DLG2: variants seen among roughly 807,000 people sequenced by gnomAD.
DLG2 encodes the protein disks large homolog 2.
A neutral mutation model predicts 132.5 loss-of-function variants in DLG2; 45 were observed. The observed-to-expected ratio is 0.34, with a 90% CI of 0.27 to 0.44. The LOEUF (loss-of-function observed/expected upper bound fraction) is 0.44. Ranked by LOEUF, DLG2 falls within the 20% of genes least tolerant of loss-of-function variation. The probability of loss-of-function intolerance (pLI) is 1.00; values close to 1 mark genes in which losing one functional copy is unlikely to be tolerated. For synonymous variants in DLG2, 424 were observed against 419.6 expected (o/e 1.01, Z -0.13); for missense variants, 1,045 against 1,196.9 (o/e 0.87, Z 1.87).
intron 6 of DLG2, among the ~76,000 whole-genome samples, chr11:84,718,692 G>A (rs1390034719): frequency 6.6e-6 from 1 of 152,168 alleles, no homozygotes; most frequent in Non-Finnish European, 1.5e-5. Flanking sequence ...ATTTTAAACA[G>A]TAGCCATTGC....
At chr11:83,912,116 T>C (rs1395089747) in intron 15 of DLG2, among the ~76,000 whole-genome samples, 6 of 151,176 alleles carry the variant, frequency 4.0e-5, no homozygotes, top group African/African-American at 9.7e-5. Context: ...TGCAGCTATA[T>C]AGAAAAAAAG....
intron 18 of DLG2, among the ~76,000 whole-genome samples, chr11:83,654,147 A>G (rs1483912016): frequency 6.6e-6 from 1 of 152,078 alleles, no homozygotes; most frequent in African/African-American, 2.4e-5. Context: ...TTTCCATGCT[A>G]TTGCCACTTC....
intron 6 of DLG2, among the ~76,000 whole-genome samples, chr11:84,720,041 G>A (rs1340829461): frequency 2.0e-5 from 3 of 151,986 alleles, no homozygotes; most frequent in Non-Finnish European, 2.9e-5. Context: ...CCCCATTTCC[G>A]AGCTGCATCT....
At chr11:85,432,140 T>TA (rs2091227096) in intron 3 of DLG2, among the ~76,000 whole-genome samples, 1 of 152,056 alleles carries the variant, frequency 6.6e-6, no homozygotes, top group African/African-American at 2.4e-5. Flanking sequence ...GCATCAATGA[T>TA]AAAAGTCCCC....
intron 7 of DLG2, among the ~76,000 whole-genome samples, chr11:84,264,402 T>C (rs1381287041): frequency 2.0e-5 from 3 of 152,188 alleles, no homozygotes; most frequent in African/African-American, 7.2e-5. Flanking sequence ...AGGATACTGC[T>C]TGTTCAGTTT....
At chr11:83,600,196 CAAAGATGAGGA>C (rs2058296791) in intron 19 of DLG2, among the ~76,000 whole-genome samples, 1 of 150,490 alleles carries the variant, frequency 6.6e-6, no homozygotes, top group African/African-American at 2.5e-5. Flanking sequence ...CTATTTTTTT[CAAAGATGAGGA>C]AAAGATGAGT....
chr11:84,625,029 T>A (rs1182816710), intron 6 of DLG2, among the ~76,000 whole-genome samples: 2 of 148,742 alleles, frequency 1.3e-5, no homozygotes, highest in East Asian at 3.9e-4. Context: ...CCCGGCTAAT[T>A]TTTTGTATTT....
chr11:84,166,864 G>T, intron 8 of DLG2: 1 of 527,796 alleles, frequency 1.9e-6, no homozygotes, highest in Non-Finnish European at 3.9e-6. Context: ...TCAGGTTATC[G>T]ACATATGATT....
chr11:84,764,866 G>A (rs1459803820), intron 6 of DLG2, among the ~76,000 whole-genome samples: 1 of 152,118 alleles, frequency 6.6e-6, no homozygotes, highest in Admixed American at 6.6e-5. Flanking sequence ...AAGTAAAGAT[G>A]AAAGGGGAAA....
chr11:84,726,265 ACCC>A (rs2062439884), intron 6 of DLG2, among the ~76,000 whole-genome samples: 1 of 150,956 alleles, frequency 6.6e-6, no homozygotes, highest in Non-Finnish European at 1.5e-5. Context: ...TCCCTCCCAT[ACCC>A]CCTACCCCCA....
intron 7 of DLG2, among the ~76,000 whole-genome samples, chr11:84,353,018 C>T (rs79632568): frequency 0.055 from 8,333 of 152,168 alleles, 758 homozygotes; most frequent in African/African-American, 0.19. Flanking sequence ...AGATATTTTT[C>T]CATGGGCACT....
intron 8 of DLG2, among the ~76,000 whole-genome samples, chr11:84,189,993 A>G (rs891494230): frequency 6.7e-6 from 1 of 148,728 alleles, no homozygotes; most frequent in Non-Finnish European, 1.5e-5. Flanking sequence ...TTAAAGGAGA[A>G]AAAAAAAAAA....
At chr11:84,769,425 C>G (rs1326152322) in intron 6 of DLG2, among the ~76,000 whole-genome samples, 1 of 151,888 alleles carries the variant, frequency 6.6e-6, no homozygotes, top group East Asian at 1.9e-4. Flanking sequence ...TTAACCCAGT[C>G]AGAATAAAAT....
intron 3 of DLG2, among the ~76,000 whole-genome samples, chr11:85,447,889 C>T (rs1411741216): frequency 6.6e-6 from 1 of 152,078 alleles, no homozygotes; most frequent in Non-Finnish European, 1.5e-5. Context: ...GCAATTGTTT[C>T]CCAAACTGAT....
At chr11:83,737,009 G>A (rs2091985493) in intron 18 of DLG2, among the ~76,000 whole-genome samples, 1 of 152,136 alleles carries the variant, frequency 6.6e-6, no homozygotes, top group African/African-American at 2.4e-5. Context: ...ATTTTATTAG[G>A]TGAAATAAAC....
intron 6 of DLG2, among the ~76,000 whole-genome samples, chr11:84,535,395 G>T (rs1323818024): frequency 4.6e-5 from 7 of 152,204 alleles, no homozygotes; most frequent in African/African-American, 1.7e-4. Flanking sequence ...ATCAAGGCAA[G>T]TTATCTGCCT....
chr11:85,471,482 C>A (rs1490335319), intron 3 of DLG2, among the ~76,000 whole-genome samples: 2 of 151,826 alleles, frequency 1.3e-5, no homozygotes, highest in Non-Finnish European at 2.9e-5. Flanking sequence ...TAAAAGGAGG[C>A]ACAAAACACG....
chr11:85,497,427 G>A (rs768608603), intron 3 of DLG2, among the ~76,000 whole-genome samples: 14 of 152,048 alleles, frequency 9.2e-5, no homozygotes, highest in Middle Eastern at 3.2e-3. Context: ...CTGGAACTAC[G>A]TGAACAGGCC....
chr11:85,468,954 T>C (rs1483191845), intron 3 of DLG2, among the ~76,000 whole-genome samples: 1 of 152,196 alleles, frequency 6.6e-6, no homozygotes, highest in African/African-American at 2.4e-5. Context: ...CACTGTTCCC[T>C]GCCTGTCAGA....
Sources: gnomAD v4.1 joint callset for allele counts (sites outside exome capture counted in the v4.1 genomes callset) on GRCh38, gnomAD v4.1.1 for gene constraint, MANE v1.5 for transcripts, NCBI Gene and HGNC (gene_info 2026-07-23, HGNC 2026-07-21) for gene names.